Variants in FOXP2 observed in about 807,000 individuals in gnomAD.
FOXP2 encodes forkhead box P2.
In FOXP2, 12 loss-of-function variants were observed where a neutral mutation model predicts 115.8. The observed-to-expected ratio is 0.10, with a 90% CI of 0.07 to 0.17. The LOEUF is 0.17. Among genes scored for constraint, FOXP2 ranks in the 10% least tolerant of loss-of-function variants. The pLI, the probability that FOXP2 is intolerant of heterozygous loss-of-function variation, is 1.00. For synonymous variants in FOXP2, 328 were observed against 297.7 expected (o/e 1.10, Z -1.05); for missense variants, 629 against 843.5 (o/e 0.75, Z 3.15).
chr7:114,438,178 A>C (rs1007761303), intron 2 of FOXP2, among the ~76,000 whole-genome samples: 3 of 152,222 alleles, frequency 2.0e-5, no homozygotes, highest in African/African-American at 7.2e-5. Flanking sequence ...AAGTCCGTGG[A>C]GTTAGGTTTG....
chr7:114,446,946 C>T (rs10155923), intron 2 of FOXP2, among the ~76,000 whole-genome samples: 132 of 151,930 alleles, frequency 8.7e-4, no homozygotes, highest in African/African-American at 2.8e-3. Context: ...GACAGGGTTT[C>T]ACCATGTTGG....
At chr7:114,142,407 A>G (rs1326091474) in intron 1 of FOXP2, among the ~76,000 whole-genome samples, 1 of 152,166 alleles carries the variant, frequency 6.6e-6, no homozygotes, top group Non-Finnish European at 1.5e-5. Flanking sequence ...ATAAATATCA[A>G]TTTTCTTAAT....
intron 3 of FOXP2, among the ~76,000 whole-genome samples, chr7:114,538,606 T>C (rs760576791): frequency 1.3e-5 from 2 of 151,706 alleles, no homozygotes; most frequent in African/African-American, 4.8e-5. Context: ...CAAATAGTTA[T>C]ATAAGTCTGA....
chr7:114,183,427 C>A (rs1301910362), intron 1 of FOXP2, among the ~76,000 whole-genome samples: 1 of 152,038 alleles, frequency 6.6e-6, no homozygotes, highest in East Asian at 1.9e-4. Context: ...ATACAACTAG[C>A]ATATTAAGCA....
intron 2 of FOXP2, among the ~76,000 whole-genome samples, chr7:114,434,570 G>T (rs1794257478): frequency 6.6e-6 from 1 of 151,696 alleles, no homozygotes; most frequent in Non-Finnish European, 1.5e-5. Context: ...ATTATTGAAA[G>T]AACTTTGAGG....
At position 114,298,075 on chromosome 7, in the gene FOXP2, GT is replaced by G. The variant is rs1796788058; in HGVS notation, c.-11+9967del. 2.6e-5 allele frequency among the ~76,000 whole-genome samples: 4 copies of G among 152,146 alleles called. No individual in the cohort carries two copies. The South Asian group carries it at 8.3e-4, about 32-fold the overall frequency. ...TTCTTTTGAGATTTTGGTTTTGAGTGTGAACTTGCCCTCAGGAAATCGTGTG... is the reference window on the plus strand; with the variant it reads ...TTCTTTTGAGATTTTGGTTTTGAGTGGAACTTGCCCTCAGGAAATCGTGTG... On this transcript the variant is annotated intron_variant, in intron 2 of 17. Transcript: ENST00000634411.
At chr7:114,642,382 G>A in intron 6 of FOXP2, 28 bp from the exon 7 acceptor site, 2 of 1,579,930 alleles carry the variant, frequency 1.3e-6, no homozygotes, top group South Asian at 1.1e-5. Flanking sequence ...ACCTTGTTAT[G>A]CTAGTGAAGC....
chr7:114,588,151 T>C (rs1254061888), intron 3 of FOXP2, among the ~76,000 whole-genome samples: 2 of 151,354 alleles, frequency 1.3e-5, no homozygotes, highest in African/African-American at 2.4e-5. Context: ...CTACTAAAAA[T>C]ACAAAAAAAT....
intron 2 of FOXP2, among the ~76,000 whole-genome samples, chr7:114,481,537 C>T (rs1796536550): frequency 6.6e-6 from 1 of 151,302 alleles, no homozygotes; most frequent in African/African-American, 2.4e-5. Context: ...AGACTCTCCA[C>T]TCAGAACAAC....
chr7:114,417,856 T>C (rs1389152880), intron 1 of FOXP2, among the ~76,000 whole-genome samples: 1 of 151,954 alleles, frequency 6.6e-6, no homozygotes, highest in Non-Finnish European at 1.5e-5. Flanking sequence ...TATTTTCTTA[T>C]AGCATTCTTA....
chr7:114,388,391 T>C (rs1360578914), intron 2 of FOXP2, among the ~76,000 whole-genome samples: 2 of 113,890 alleles, frequency 1.8e-5, no homozygotes, highest in South Asian at 3.7e-4. Context: ...AAGGAACTTA[T>C]CTCTTTTTTT....
intron 3 of FOXP2, among the ~76,000 whole-genome samples, chr7:114,556,306 T>C (rs1253547716): frequency 6.6e-6 from 1 of 152,124 alleles, no homozygotes; most frequent in East Asian, 1.9e-4. Flanking sequence ...CTATTCCTCA[T>C]TTATCCTTAT....
At chr7:114,649,301 A>C (rs757895803) in intron 8 of FOXP2, among the ~76,000 whole-genome samples, 1 of 152,138 alleles carries the variant, frequency 6.6e-6, no homozygotes, top group Non-Finnish European at 1.5e-5. Flanking sequence ...TATCAAATGC[A>C]TAAGATAGTA....
intron 2 of FOXP2, among the ~76,000 whole-genome samples, chr7:114,386,472 C>T (rs1270192017): frequency 1.3e-5 from 2 of 152,124 alleles, no homozygotes; most frequent in Non-Finnish European, 1.5e-5. Flanking sequence ...TTCAGGCTAC[C>T]CTGGATCATA....
intron 6 of FOXP2, among the ~76,000 whole-genome samples, chr7:114,636,273 T>A (rs1262599798): frequency 6.6e-6 from 1 of 152,210 alleles, no homozygotes; most frequent in Non-Finnish European, 1.5e-5. Flanking sequence ...TACCCTTTTC[T>A]GTGATTCAAT....
At chr7:114,253,890 A>G (rs998336948) in intron 1 of FOXP2, among the ~76,000 whole-genome samples, 1 of 152,138 alleles carries the variant, frequency 6.6e-6, no homozygotes, top group African/African-American at 2.4e-5. Flanking sequence ...CCTAGCCTCG[A>G]TGGTCTTTAC....
intron 10 of FOXP2, among the ~76,000 whole-genome samples, chr7:114,655,075 G>T (rs1220279950): frequency 6.6e-6 from 1 of 151,984 alleles, no homozygotes; most frequent in East Asian, 1.9e-4. Flanking sequence ...GTATCTTTTT[G>T]AATCTGACAT....
Position 114,590,791 on chromosome 7 carries a change from CTCT to C in FOXP2, c.259-37744_259-37742del, listed in dbSNP as rs560615831. Among the ~76,000 whole-genome samples, 4 of 152,114 alleles carry C rather than the reference CTCT, an allele frequency of 2.6e-5. 1 individual carries two copies. In the South Asian group the frequency reaches 8.3e-4, roughly 32 times the overall value. On this transcript the variant is annotated intron_variant, in intron 3 of 16. Transcript: ENST00000350908. ...TGGATGAAGGGTAGGTATGTGTGTT[CTCT>C]TCTTGGCTTGCAGGATATGATCATC...
intron 2 of FOXP2, among the ~76,000 whole-genome samples, chr7:114,430,495 C>T (rs1477755632): frequency 6.6e-6 from 1 of 151,748 alleles, no homozygotes; most frequent in African/African-American, 2.4e-5. Context: ...TCAGTTATTA[C>T]ATACATATTT....
Sources: allele counts gnomAD v4.1 joint callset (sites outside exome capture counted in the v4.1 genomes callset), GRCh38; gene constraint gnomAD v4.1.1; transcripts MANE v1.5; gene names NCBI Gene and HGNC (gene_info 2026-07-23, HGNC 2026-07-21).